Variants in ELAVL4 observed in about 807,000 individuals in gnomAD.
ELAVL4 encodes ELAV-like protein 4.
ELAVL4 carries 1 observed loss-of-function variant against 35.6 expected under a neutral mutation model. That is an observed-to-expected ratio of 0.03 (90% CI 0.01 to 0.13). The LOEUF is 0.13. ELAVL4 is among the 10% of genes least tolerant of loss of function. The pLI is 1.00. For synonymous variants in ELAVL4, 156 were observed against 171.0 expected (o/e 0.91, Z 0.69); for missense variants, 267 against 464.9 (o/e 0.57, Z 3.91).
At chr1:50,120,199 A>C (rs1304670195) in intron 1 of ELAVL4, among the ~76,000 whole-genome samples, 1 of 151,934 alleles carries the variant, frequency 6.6e-6, no homozygotes. Context: ...GTCTCAGCAG[A>C]GGAGGTACAA....
intron 2 of ELAVL4, among the ~76,000 whole-genome samples, chr1:50,175,166 T>C (rs1416140199): frequency 6.6e-6 from 1 of 152,152 alleles, no homozygotes; most frequent in African/African-American, 2.4e-5. Context: ...TTAAAGCTTC[T>C]CATATATGCA....
At chr1:50,058,863 CA>C (rs2148475096) in intron 1 of ELAVL4, among the ~76,000 whole-genome samples, 1 of 152,188 alleles carries the variant, frequency 6.6e-6, no homozygotes, top group Non-Finnish European at 1.5e-5. Context: ...CTGAGCTTCC[CA>C]AAGTGCTGGG....
At chr1:50,125,587 C>T (rs900375525) in intron 1 of ELAVL4, among the ~76,000 whole-genome samples, 1 of 151,932 alleles carries the variant, frequency 6.6e-6, no homozygotes, top group Non-Finnish European at 1.5e-5. Flanking sequence ...AGATAGAGAA[C>T]TCATAAAGAG....
chr1:50,090,488 G>A (rs1309164511), intron 1 of ELAVL4, among the ~76,000 whole-genome samples: 2 of 152,088 alleles, frequency 1.3e-5, no homozygotes, highest in Non-Finnish European at 2.9e-5. Context: ...GTATATATTA[G>A]TCAGAATAGG....
intron 2 of ELAVL4, among the ~76,000 whole-genome samples, chr1:50,156,480 G>T (rs1221694698): frequency 1.3e-5 from 2 of 152,172 alleles, no homozygotes; most frequent in African/African-American, 4.8e-5. Context: ...AGGGAAGGTG[G>T]ATGTCTGTTC....
chr1:50,106,677 A>C (rs1463619552), upstream of ELAVL4, among the ~76,000 whole-genome samples: 1 of 152,152 alleles, frequency 6.6e-6, no homozygotes, highest in Non-Finnish European at 1.5e-5. Context: ...TTTCCCAACA[A>C]TAGGATTCTG....
chr1:50,167,527 G>C (rs1039975197), intron 2 of ELAVL4, among the ~76,000 whole-genome samples: 1 of 152,172 alleles, frequency 6.6e-6, no homozygotes, highest in African/African-American at 2.4e-5. Flanking sequence ...CAGGTAGCCG[G>C]CTAATCACCC....
rs978820573 is a variant in ELAVL4 at position 50,110,097 on chromosome 1, G to A, written c.9+899G>A. On this transcript the variant is annotated intron_variant, in intron 1 of 6. Transcript: ENST00000371824. ...ATCACTGTGCTGATCGTTTGTGTGT[G>A]TATGTATGTGTGTGTTTATTAGTAT... The A allele has an allele frequency of 2.7e-5, 31 of 1,162,048 alleles. No individual in the cohort carries two copies. The African/African-American group carries it at 4.7e-4, about 18-fold the overall frequency. The allele number at this position is 1,162,048 out of a possible 1,614,324, so 72.0% of individuals were successfully genotyped here. A position where few individuals can be genotyped will look rare whatever the true frequency, so the allele number is the denominator to read the frequency against.
At position 50,203,392 on chromosome 1, in the gene ELAVL4, C is replaced by G. The variant is rs1370915069; in HGVS notation, c.*2214C>G. 6.6e-6 allele frequency: 1 copy of G among 151,194 alleles called. No individual in the cohort carries two copies. Among genetic ancestry groups the G allele is most frequent in the African/African-American group, 2.4e-5 (1 of 41,182 alleles). 9.4% of individuals were successfully genotyped at this position (151,194 alleles called of 1,614,324 possible). On this transcript the variant is annotated 3_prime_UTR_variant, in exon 7 of 7. Coordinates refer to ENST00000371824, the MANE Select transcript of ELAVL4 (RefSeq NM_001144774.3). ...AATTTTTTTTCTGTTTTTTTTTCCT[C>G]TTTTCGGTTTTGGATATAACACCAG...
chr1:50,061,602 T>A (rs1451244071), intron 1 of ELAVL4, among the ~76,000 whole-genome samples: 3 of 152,186 alleles, frequency 2.0e-5, no homozygotes, highest in Non-Finnish European at 4.4e-5. Flanking sequence ...ACCATTCAGA[T>A]CTGCCTTTAA....
intron 1 of ELAVL4, among the ~76,000 whole-genome samples, chr1:50,053,862 G>A (rs1447473918): frequency 1.3e-5 from 2 of 152,224 alleles, no homozygotes; most frequent in Non-Finnish European, 2.9e-5. Context: ...GAGGGATAAG[G>A]ATTCCAGTGG....
At chr1:50,140,856 A>G (rs575502316) in intron 1 of ELAVL4, among the ~76,000 whole-genome samples, 33 of 152,258 alleles carry the variant, frequency 2.2e-4, no homozygotes, top group African/African-American at 7.9e-4. Flanking sequence ...GACTTGACCT[A>G]ATTTATAGAT....
chr1:50,084,827 G>T (rs1665166176), intron 1 of ELAVL4, among the ~76,000 whole-genome samples: 1 of 152,036 alleles, frequency 6.6e-6, no homozygotes, highest in Non-Finnish European at 1.5e-5. Context: ...TTCTTTCTTA[G>T]CACTTGGTGG....
chr1:50,192,029 T>C (rs1682735220), intron 3 of ELAVL4, among the ~76,000 whole-genome samples: 1 of 152,184 alleles, frequency 6.6e-6, no homozygotes, highest in South Asian at 2.1e-4. Context: ...GAACCTTCTG[T>C]GGAGTGAAGC....
chr1:50,194,773 GGAGGGCCCCATT>G (rs776257417), intron 4 of ELAVL4, among the ~76,000 whole-genome samples: 3 of 152,114 alleles, frequency 2.0e-5, no homozygotes, highest in Non-Finnish European at 4.4e-5. Flanking sequence ...GGAATTGCTA[GGAGGGCCCCATT>G]GAGGAGGCAA....
At chr1:50,107,200 A>T (rs1666405179), upstream of ELAVL4, among the ~76,000 whole-genome samples, 1 of 152,222 alleles carries the variant, frequency 6.6e-6, no homozygotes, top group South Asian at 2.1e-4. Context: ...AGTTCAACAG[A>T]TACTGTAGTA....
intron 1 of ELAVL4, among the ~76,000 whole-genome samples, chr1:50,082,900 A>G (rs1329488565): frequency 6.6e-6 from 1 of 152,116 alleles, no homozygotes; most frequent in Non-Finnish European, 1.5e-5. Flanking sequence ...ACCTGTATTT[A>G]CAAACCAACC....
intron 1 of ELAVL4, among the ~76,000 whole-genome samples, chr1:50,058,111 C>G (rs1372922998): frequency 1.3e-5 from 2 of 152,222 alleles, no homozygotes. Flanking sequence ...GGGAAGTGAT[C>G]AGAGTAAACT....
chr1:50,109,722 T>G (rs929299796), intron 1 of ELAVL4: 12 of 577,906 alleles, frequency 2.1e-5, no homozygotes, highest in South Asian at 1.6e-4. Context: ...AGTGATTTAT[T>G]TGGGCTTCAG....
Sources: gnomAD v4.1 joint callset for allele counts (sites outside exome capture counted in the v4.1 genomes callset) on GRCh38, gnomAD v4.1.1 for gene constraint, MANE v1.5 for transcripts, NCBI Gene and HGNC (gene_info 2026-07-23, HGNC 2026-07-21) for gene names.